RBFOX1: variants seen among roughly 807,000 people sequenced by gnomAD.
RBFOX1 encodes RNA binding fox-1 homolog 1.
A neutral mutation model predicts 57.7 loss-of-function variants in RBFOX1; 8 were observed. The observed-to-expected ratio is 0.14, with a 90% CI of 0.08 to 0.25. The LOEUF (loss-of-function observed/expected upper bound fraction) is 0.25, where lower values mean the gene tolerates loss of function less well. Among genes scored for constraint, RBFOX1 ranks in the 10% least tolerant of loss-of-function variants. RBFOX1 has a pLI of 1.00. For synonymous variants in RBFOX1, 326 were observed against 222.4 expected (o/e 1.47, Z -4.15); for missense variants, 611 against 548.5 (o/e 1.11, Z -1.14).
chr16:7,650,282 C>G (rs981076747), intron 11 of RBFOX1, among the ~76,000 whole-genome samples: 1 of 151,574 alleles, frequency 6.6e-6, no homozygotes, highest in Non-Finnish European at 1.5e-5. Flanking sequence ...TCCATGAAGC[C>G]TCTGGCCCAA....
At chr16:7,502,223 G>T (rs528532630) in intron 4 of RBFOX1, among the ~76,000 whole-genome samples, 1 of 152,068 alleles carries the variant, frequency 6.6e-6, no homozygotes, top group African/African-American at 2.4e-5. Context: ...CAAGTGAGGC[G>T]AATGCAAGCC....
chr16:5,968,442 G>A (rs1039121672), intron 4 of RBFOX1, among the ~76,000 whole-genome samples: 1 of 152,186 alleles, frequency 6.6e-6, no homozygotes, highest in African/African-American at 2.4e-5. Flanking sequence ...GTTGTTTACA[G>A]TTTATATCCT....
chr16:5,985,426 A>T (rs2060267174), intron 4 of RBFOX1, among the ~76,000 whole-genome samples: 3 of 152,174 alleles, frequency 2.0e-5, no homozygotes, highest in Admixed American at 2.0e-4. Context: ...AGTTGCTATT[A>T]TGATTCCCAT....
intron 3 of RBFOX1, among the ~76,000 whole-genome samples, chr16:5,773,389 C>A (rs2054042872): frequency 1.3e-5 from 2 of 152,216 alleles, no homozygotes; most frequent in Admixed American, 1.3e-4. Context: ...CATACACACA[C>A]ATTGTTTACA....
At chr16:7,590,714 C>A (rs750605082) in intron 7 of RBFOX1, among the ~76,000 whole-genome samples, 8 of 151,872 alleles carry the variant, frequency 5.3e-5, no homozygotes, top group Non-Finnish European at 1.0e-4. Context: ...ACAAAATTAG[C>A]AGGGTGTGGT....
chr16:7,322,208 C>T (rs1036313844), intron 4 of RBFOX1, among the ~76,000 whole-genome samples: 4 of 152,168 alleles, frequency 2.6e-5, no homozygotes, highest in African/African-American at 4.8e-5. Context: ...TGCTAGTTAT[C>T]GGACAAGGGA....
chr16:7,667,574 C>G (rs1361407611), intron 13 of RBFOX1, among the ~76,000 whole-genome samples: 1 of 152,216 alleles, frequency 6.6e-6, no homozygotes, highest in Non-Finnish European at 1.5e-5. Context: ...CTTACTCCTT[C>G]AAGCTCGTTA....
chr16:5,679,208 C>T (rs978456121), intron 3 of RBFOX1, among the ~76,000 whole-genome samples: 1 of 152,172 alleles, frequency 6.6e-6, no homozygotes, highest in Non-Finnish European at 1.5e-5. Context: ...GGCGCATCTT[C>T]ATTTAATCCA....
intron 1 of RBFOX1, among the ~76,000 whole-genome samples, chr16:5,249,402 C>G (rs1485222679): frequency 6.6e-6 from 1 of 152,206 alleles, no homozygotes; most frequent in Non-Finnish European, 1.5e-5. Context: ...GAGGAAGACT[C>G]TGTGGCTTGA....
At chr16:6,923,915 A>G (rs2075022352) in intron 3 of RBFOX1, among the ~76,000 whole-genome samples, 1 of 152,114 alleles carries the variant, frequency 6.6e-6, no homozygotes, top group African/African-American at 2.4e-5. Context: ...TGACACCTGT[A>G]ATCCCAGCAC....
chr16:7,034,693 G>T (rs957318062), intron 3 of RBFOX1, among the ~76,000 whole-genome samples: 1 of 151,712 alleles, frequency 6.6e-6, no homozygotes, highest in Admixed American at 6.6e-5. Flanking sequence ...GGAGACATTC[G>T]CCTTTCAGTG....
intron 3 of RBFOX1, among the ~76,000 whole-genome samples, chr16:6,682,485 A>C (rs2096300037): frequency 6.6e-6 from 1 of 152,190 alleles, no homozygotes; most frequent in Admixed American, 6.5e-5. Flanking sequence ...GAATGTGCTT[A>C]ATGGTTTTGT....
At chr16:6,553,117 G>A (rs930166395) in intron 2 of RBFOX1, among the ~76,000 whole-genome samples, 2 of 152,168 alleles carry the variant, frequency 1.3e-5, no homozygotes, top group South Asian at 2.1e-4. Flanking sequence ...CTAGGTAACA[G>A]GATGTGCCCA....
chr16:5,825,164 C>G (rs887239217), intron 3 of RBFOX1, among the ~76,000 whole-genome samples: 5 of 152,206 alleles, frequency 3.3e-5, no homozygotes, highest in Non-Finnish European at 5.9e-5. Context: ...GGTTTAAGTC[C>G]CAGCTCGGCT....
intron 2 of RBFOX1, among the ~76,000 whole-genome samples, chr16:6,524,333 T>C (rs2096549586): frequency 6.6e-6 from 1 of 152,226 alleles, no homozygotes; most frequent in Non-Finnish European, 1.5e-5. Flanking sequence ...TCTCGTTCCT[T>C]TATATGGCTG....
At chr16:5,457,884 T>A (rs2151586574) in intron 1 of RBFOX1, among the ~76,000 whole-genome samples, 1 of 152,298 alleles carries the variant, frequency 6.6e-6, no homozygotes. Context: ...GCCCTACACA[T>A]AACATGCCCT....
In RBFOX1 at chr16:6,525,467, G is replaced by T. The variant is rs568070913; in HGVS notation, c.-63-129136G>T. Among the ~76,000 whole-genome samples the T allele has an allele frequency of 2.7e-4, 41 of 152,324 alleles. 1 individual carries two copies. Among genetic ancestry groups the T allele is most frequent in the Admixed American group, 2.0e-3 (30 of 15,300 alleles). On this transcript the variant is annotated intron_variant, in intron 2 of 15. Transcript: ENST00000550418. ...ATCTTAAAAGTCAATGAAGATGTTT[G>T]TGCTCAAGTCAGGAGCAAATGCATG...
intron 1 of RBFOX1, among the ~76,000 whole-genome samples, chr16:6,026,581 C>T (rs1010603339): frequency 1.4e-4 from 22 of 152,224 alleles, no homozygotes; most frequent in African/African-American, 5.1e-4. Context: ...GGAGCTCTTG[C>T]TGCATAGCTT....
intron 4 of RBFOX1, among the ~76,000 whole-genome samples, chr16:7,066,671 A>T (rs74632758): frequency 4.6e-5 from 7 of 152,192 alleles, no homozygotes; most frequent in Admixed American, 1.3e-4. Flanking sequence ...ATAGAAATCT[A>T]TGTGTTCTAA....
Sources: allele counts gnomAD v4.1 joint callset (sites outside exome capture counted in the v4.1 genomes callset), GRCh38; gene constraint gnomAD v4.1.1; transcripts MANE v1.5; gene names NCBI Gene and HGNC (gene_info 2026-07-23, HGNC 2026-07-21).